The following MTBP variants were observed in gnomAD, a reference collection of about 807,000 sequenced individuals.
MTBP encodes mdm2-binding protein.
In MTBP, 101 loss-of-function variants were observed where a neutral mutation model predicts 117.0. That is an observed-to-expected ratio of 0.86 (90% confidence interval 0.73 to 1.02). The LOEUF is 1.02. Among genes scored for constraint, MTBP ranks in the 50% least tolerant of loss-of-function variants. The probability of loss-of-function intolerance (pLI) is 0.00; values close to 1 mark genes in which losing one functional copy is unlikely to be tolerated. For synonymous variants in MTBP, 350 were observed against 351.5 expected (o/e 1.00, Z 0.05); for missense variants, 970 against 1,030.9 (o/e 0.94, Z 0.81).
In MTBP at chr8:120,455,500, T is replaced by G; in HGVS notation, c.550T>G (p.Leu184Val). ...DKDPPKLKDYLPTVGALKHLR... is the reference protein window; with the variant it reads ...DKDPPKLKDYVPTVGALKHLR... ...AGATCCTCCTAAATTGAAAGACTATTTACCTACTGTAGGAGCATTAAAACA... is the reference window on the plus strand; with the variant it reads ...AGATCCTCCTAAATTGAAAGACTATGTACCTACTGTAGGAGCATTAAAACA... Residue 184 changes from leucine (L) to valine (V), a missense_variant, in exon 6 of 22, where the codon TTA becomes GTA. Transcript: ENST00000305949. 1 of 1,606,962 alleles carries G rather than the reference T, an allele frequency of 6.2e-7. No homozygotes were observed. The highest frequency in any genetic ancestry group is 8.5e-7 in the Non-Finnish European group (1 of 1,174,604).
At chr8:120,508,654 A>C (rs1458966012) in intron 16 of MTBP, among the ~76,000 whole-genome samples, 2 of 152,152 alleles carry the variant, frequency 1.3e-5, no homozygotes, top group East Asian at 3.8e-4. Flanking sequence ...TTTCATTACC[A>C]ATGCCATAGG....
Position 120,522,717 on chromosome 8 carries a change from C to T in MTBP, c.2674C>T (p.Gln892Ter). The change falls in exon 21 of 22, where the codon CAG becomes TAG. Residue 892 changes from glutamine (Q) to a stop codon, truncating the protein, a stop_gained and splice_region_variant. Coordinates refer to ENST00000305949, the MANE Select transcript of MTBP (RefSeq NM_022045.5). LOFTEE classifies it high-confidence loss of function. ...MKKTANNNAV[Q>*]VIDWVLEKTS... ...GAAAACAGCAAACAACAATGCTGTA[C>T]AGGTAAAGAAATTATTCCCAAGAAA... 2 of 1,593,812 alleles carry T rather than the reference C, an allele frequency of 1.3e-6. No homozygotes were observed. The highest frequency in any genetic ancestry group is 1.7e-6 in the Non-Finnish European group (2 of 1,169,762).
chr8:120,483,155 AT>A (rs1399592280), intron 11 of MTBP, among the ~76,000 whole-genome samples: 14 of 151,872 alleles, frequency 9.2e-5, no homozygotes, highest in Non-Finnish European at 1.8e-4. Flanking sequence ...TAGGAAATAC[AT>A]TTTTGAAGAT....
At chr8:120,480,220 G>A (rs1303725048) in intron 11 of MTBP, among the ~76,000 whole-genome samples, 2 of 132,182 alleles carry the variant, frequency 1.5e-5, no homozygotes. Flanking sequence ...CCAACATGGC[G>A]AAACCCCGTC....
chr8:120,478,301 T>C (rs1563793653), intron 11 of MTBP, among the ~76,000 whole-genome samples: 2 of 151,948 alleles, frequency 1.3e-5, no homozygotes, highest in African/African-American at 4.8e-5. Flanking sequence ...ATACCTAATG[T>C]AGATGGTTTG....
chr8:120,476,715 AAGG>A (rs1563792963), intron 11 of MTBP, among the ~76,000 whole-genome samples: 1 of 152,186 alleles, frequency 6.6e-6, no homozygotes, highest in African/African-American at 2.4e-5. Context: ...GGACCTTTTC[AAGG>A]AGAACTACAA....
intron 11 of MTBP, among the ~76,000 whole-genome samples, chr8:120,478,876 T>A (rs1814006568): frequency 6.6e-6 from 1 of 152,078 alleles, no homozygotes; most frequent in South Asian, 2.1e-4. Flanking sequence ...CCATAAAAAA[T>A]GATCCATAAA....
At chr8:120,477,999 A>G (rs1342062693) in intron 11 of MTBP, among the ~76,000 whole-genome samples, 1 of 152,244 alleles carries the variant, frequency 6.6e-6, no homozygotes, top group Non-Finnish European at 1.5e-5. Flanking sequence ...ACTTGGAACC[A>G]ACTCAAATGC....
At chr8:120,478,381 C>A (rs1463197235) in intron 11 of MTBP, among the ~76,000 whole-genome samples, 1 of 151,758 alleles carries the variant, frequency 6.6e-6, no homozygotes, top group Admixed American at 6.6e-5. Context: ...TACATGTATC[C>A]CAGAACTTAA....
chr8:120,483,673 T>C (rs1814146449), intron 11 of MTBP, among the ~76,000 whole-genome samples: 2 of 152,202 alleles, frequency 1.3e-5, no homozygotes, highest in Admixed American at 1.3e-4. Context: ...TTGTGGTTTA[T>C]GTGTTATCTG....
intron 7 of MTBP, among the ~76,000 whole-genome samples, chr8:120,457,118 T>A (rs1813485902): frequency 6.6e-6 from 1 of 152,212 alleles, no homozygotes; most frequent in Non-Finnish European, 1.5e-5. Context: ...TGATCTTTGC[T>A]GTTTATTAAC....
At chr8:120,450,429 C>T (rs1813312913) in intron 2 of MTBP, among the ~76,000 whole-genome samples, 1 of 152,152 alleles carries the variant, frequency 6.6e-6, no homozygotes, top group African/African-American at 2.4e-5. Flanking sequence ...TTTCTTCTTC[C>T]TGTTTTGAGT....
At chr8:120,466,562 G>C (rs1213820556) in intron 10 of MTBP, among the ~76,000 whole-genome samples, 2 of 151,254 alleles carry the variant, frequency 1.3e-5, no homozygotes, top group Middle Eastern at 3.4e-3. Context: ...CCAGTTCTTT[G>C]AAATCTAGTG....
At chr8:120,504,120 G>A (rs1814645308) in intron 15 of MTBP, among the ~76,000 whole-genome samples, 1 of 152,116 alleles carries the variant, frequency 6.6e-6, no homozygotes, top group Non-Finnish European at 1.5e-5. Context: ...TACATGGTGA[G>A]ACTATGAGGC....
At chr8:120,491,496 C>T (rs1325189189) in intron 13 of MTBP, among the ~76,000 whole-genome samples, 1 of 151,906 alleles carries the variant, frequency 6.6e-6, no homozygotes, top group African/African-American at 2.4e-5. Flanking sequence ...ATGATGTTTG[C>T]TCAAGGAAGG....
At chr8:120,464,055 T>C (rs1302662196) in intron 10 of MTBP, among the ~76,000 whole-genome samples, 5 of 152,058 alleles carry the variant, frequency 3.3e-5, no homozygotes, top group Non-Finnish European at 5.9e-5. Context: ...AACATGTTAT[T>C]GTTAACCTAC....
intron 14 of MTBP, among the ~76,000 whole-genome samples, chr8:120,501,558 G>GA (rs202002423): frequency 0.019 from 1,847 of 97,302 alleles, 20 homozygotes; most frequent in African/African-American, 0.038. Flanking sequence ...TCTGGAAAAA[G>GA]AAAAAAAAAA....
At chr8:120,489,255 T>A (rs1814290545) in intron 12 of MTBP, among the ~76,000 whole-genome samples, 1 of 152,106 alleles carries the variant, frequency 6.6e-6, no homozygotes, top group Non-Finnish European at 1.5e-5. Flanking sequence ...GACAGGATGG[T>A]CTCGATCTCT....
At chr8:120,490,873 T>C (rs1814330492) in intron 13 of MTBP, among the ~76,000 whole-genome samples, 1 of 152,180 alleles carries the variant, frequency 6.6e-6, no homozygotes, top group South Asian at 2.1e-4. Flanking sequence ...TATTTTTCTA[T>C]GTATAACTCT....
Sources: allele counts gnomAD v4.1 joint callset (sites outside exome capture counted in the v4.1 genomes callset), GRCh38; gene constraint gnomAD v4.1.1; transcripts MANE v1.5; gene names NCBI Gene and HGNC (gene_info 2026-07-23, HGNC 2026-07-21).